The following CCN4 variants were observed in gnomAD, a reference collection of about 807,000 sequenced individuals.
CCN4 encodes the protein CCN family member 4.
In CCN4, 30 loss-of-function variants were observed where a neutral mutation model predicts 36.7. The observed-to-expected ratio is 0.82, with a 90% CI of 0.61 to 1.11. The LOEUF (loss-of-function observed/expected upper bound fraction) is 1.11, where lower values mean the gene tolerates loss of function less well. Among genes scored for constraint, CCN4 ranks in the 50% least tolerant of loss-of-function variants. CCN4 has a pLI of 0.00. For synonymous variants in CCN4, 191 were observed against 195.4 expected (o/e 0.98, Z 0.19); for missense variants, 505 against 504.9 (o/e 1.00, Z 0.00).
intron 2 of CCN4, among the ~76,000 whole-genome samples, chr8:133,215,025 T>C (rs191419017): frequency 3.5e-4 from 53 of 152,348 alleles, no homozygotes; most frequent in Non-Finnish European, 6.8e-4. Flanking sequence ...CGAATCCTTG[T>C]GTCTTTGGCT....
intron 1 of CCN4, among the ~76,000 whole-genome samples, chr8:133,195,053 G>T (rs1406862990): frequency 1.3e-5 from 2 of 149,156 alleles, no homozygotes; most frequent in African/African-American, 5.0e-5. Flanking sequence ...GTGTGTATGT[G>T]TGTGGTGTGT....
intron 2 of CCN4, among the ~76,000 whole-genome samples, chr8:133,217,916 G>A (rs1854379524): frequency 2.3e-5 from 1 of 44,410 alleles, no homozygotes; most frequent in African/African-American, 1.1e-4. Context: ...CAGAGTTCCG[G>A]GCTTAGCCCA....
At chr8:133,200,191 C>T (rs1266390677) in intron 1 of CCN4, among the ~76,000 whole-genome samples, 1 of 152,198 alleles carries the variant, frequency 6.6e-6, no homozygotes, top group African/African-American at 2.4e-5. Flanking sequence ...TTTCCCTGAT[C>T]CACGAACCAT....
intron 1 of CCN4, among the ~76,000 whole-genome samples, chr8:133,200,072 T>C (rs1053786877): frequency 1.3e-5 from 2 of 152,180 alleles, no homozygotes; most frequent in Non-Finnish European, 2.9e-5. Flanking sequence ...TTAGGCCAGT[T>C]CTGTTTCTCC....
Position 133,213,114 on chromosome 8 carries a change from G to T in CCN4, c.320G>T (p.Arg107Leu), listed in dbSNP as rs536884015. 8 of 1,612,650 alleles carry T rather than the reference G, an allele frequency of 5.0e-6. No homozygotes were observed. In the Admixed American group the frequency reaches 6.7e-5, roughly 13 times the overall value. Residue 107 changes from arginine to leucine, a missense_variant, in exon 2 of 5, where the codon CGC becomes CTC. Coordinates refer to ENST00000250160, the MANE Select transcript of CCN4 (RefSeq NM_003882.4). ...CTCTACTGTGACTACAGCGGGGACC[G>T]CCCGAGGTACGCAATAGGAGTGTGT... ...RGLYCDYSGD[R>L]PRYAIGVCAQ...
rs16904848 is a variant in CCN4 at position 133,211,296 on chromosome 8, C to T, written c.70-1568C>T. 7.1e-3 allele frequency among the ~76,000 whole-genome samples: 1,086 copies of T among 152,350 alleles called. 12 individuals are homozygous for T. The highest frequency in any genetic ancestry group is 0.024 in the African/African-American group (1,000 of 41,582). ...AGTAAATCACCTCTAATACTTGCCT[C>T]TCCCATAAGCTGTGGGTTCCCCAAT... On this transcript the variant is annotated intron_variant, in intron 1 of 4. Coordinates refer to ENST00000250160, the MANE Select transcript of CCN4 (RefSeq NM_003882.4).
intron 1 of CCN4, among the ~76,000 whole-genome samples, chr8:133,203,993 C>A (rs1051196729): frequency 1.9e-4 from 29 of 152,186 alleles, no homozygotes; most frequent in African/African-American, 7.0e-4. Context: ...AATATTATCT[C>A]AAAAATACAT....
intron 2 of CCN4, among the ~76,000 whole-genome samples, chr8:133,215,728 GA>G (rs1010586611): frequency 1.8e-4 from 27 of 151,314 alleles, no homozygotes; most frequent in African/African-American, 6.3e-4. Context: ...CCTTTTATTT[GA>G]AAAAAACAAA....
intron 1 of CCN4, among the ~76,000 whole-genome samples, chr8:133,201,028 C>A (rs1446433784): frequency 6.6e-6 from 1 of 152,200 alleles, no homozygotes; most frequent in East Asian, 1.9e-4. Flanking sequence ...CTATTCCCAA[C>A]CCCATGCCCT....
At chr8:133,206,352 C>T (rs1381709443) in intron 1 of CCN4, among the ~76,000 whole-genome samples, 1 of 152,178 alleles carries the variant, frequency 6.6e-6, no homozygotes, top group African/African-American at 2.4e-5. Flanking sequence ...GCTGGTGGTA[C>T]CTGGGCCCTT....
intron 2 of CCN4, among the ~76,000 whole-genome samples, chr8:133,217,342 T>G (rs972811830): frequency 1.3e-5 from 2 of 152,118 alleles, no homozygotes; most frequent in Non-Finnish European, 2.9e-5. Context: ...ATGGGAGGTG[T>G]GAAGGGAGGG....
At chr8:133,220,000 G>C (rs562334970) in intron 2 of CCN4, among the ~76,000 whole-genome samples, 1 of 149,618 alleles carries the variant, frequency 6.7e-6, no homozygotes, top group Non-Finnish European at 1.5e-5. Context: ...GTCTCCCCCC[G>C]CCCAACTCCC....
At chr8:133,191,281 G>A (rs1853100221) in intron 1 of CCN4, 68 bp downstream of exon 1, 6 of 1,514,070 alleles carry the variant, frequency 4.0e-6, no homozygotes, top group African/African-American at 2.8e-5. Context: ...TGCTACATGG[G>A]GGCTGGTGGG....
chr8:133,200,149 G>A (rs1164259244), intron 1 of CCN4, among the ~76,000 whole-genome samples: 1 of 152,206 alleles, frequency 6.6e-6, no homozygotes, highest in Non-Finnish European at 1.5e-5. Flanking sequence ...GGGCGGTGGA[G>A]GGAGGACAGA....
intron 1 of CCN4, among the ~76,000 whole-genome samples, chr8:133,197,260 G>C (rs2130531685): frequency 6.6e-6 from 1 of 152,244 alleles, no homozygotes; most frequent in East Asian, 1.9e-4. Context: ...CTAGAGGTGT[G>C]GTGGTGAGTG....
intron 2 of CCN4, among the ~76,000 whole-genome samples, chr8:133,216,225 CT>C (rs1209478771): frequency 6.6e-6 from 1 of 152,172 alleles, no homozygotes; most frequent in Admixed American, 6.5e-5. Flanking sequence ...AAGAAACAAT[CT>C]TTCCACAAAT....
Position 133,213,160 on chromosome 8 carries a change from T to C in CCN4, c.349+17T>C, listed in dbSNP as rs1167048402. On this transcript the variant is annotated intron_variant, in intron 2 of 4. Coordinates refer to ENST00000250160, the MANE Select transcript of CCN4 (RefSeq NM_003882.4). ...TGTGTGCACGTAAGTGAGTCCTCCA[T>C]ACCTTCTGACCAGCCCCTGAGCACC... The C allele has an allele frequency of 6.3e-7, 1 of 1,584,306 alleles. No homozygotes were observed. The highest frequency in any genetic ancestry group is 1.3e-5 in the African/African-American group (1 of 74,230).
chr8:133,211,007 G>A (rs1223220120), intron 1 of CCN4, among the ~76,000 whole-genome samples: 1 of 152,210 alleles, frequency 6.6e-6, no homozygotes, highest in African/African-American at 2.4e-5. Flanking sequence ...GTCGGGTTTT[G>A]TCTGTTGACT....
At position 133,228,504 on chromosome 8, in the gene CCN4, G is replaced by C. The variant is rs1318034009; in HGVS notation, c.*794G>C. The C allele has an allele frequency of 6.6e-6, 1 of 152,272 alleles. No individual in the cohort carries two copies. The highest frequency in any genetic ancestry group is 1.5e-5 in the Non-Finnish European group (1 of 68,116). The allele number at this position is 152,272 out of a possible 1,614,324, so 9.4% of individuals were successfully genotyped here. ...ACACTGAATCAGCTGCTGACTGGCAGGGCTTTGGGCAGTTGGCCAGGCTCT... is the reference window on the plus strand; with the variant it reads ...ACACTGAATCAGCTGCTGACTGGCACGGCTTTGGGCAGTTGGCCAGGCTCT... On this transcript the variant is annotated 3_prime_UTR_variant, in exon 5 of 5. Coordinates refer to ENST00000250160, the MANE Select transcript of CCN4 (RefSeq NM_003882.4).
Sources: allele counts gnomAD v4.1 joint callset (sites outside exome capture counted in the v4.1 genomes callset), GRCh38; gene constraint gnomAD v4.1.1; transcripts MANE v1.5; gene names NCBI Gene and HGNC (gene_info 2026-07-23, HGNC 2026-07-21).